Variants in DROSHA observed in about 807,000 individuals in gnomAD.
The protein encoded by DROSHA is drosha ribonuclease III.
In DROSHA, 56 loss-of-function variants were observed where a neutral mutation model predicts 181.9. The observed-to-expected ratio is 0.31, with a 90% CI of 0.25 to 0.38. The LOEUF (loss-of-function observed/expected upper bound fraction) is 0.38. Among genes scored for constraint, DROSHA ranks in the 10% least tolerant of loss-of-function variants. DROSHA has a pLI of 1.00. For missense variants in DROSHA, 1,218 were observed against 1,743.5 expected, an observed-to-expected ratio of 0.70 and a Z score of 5.37; for synonymous variants, 524 against 591.2, an observed-to-expected ratio of 0.89 and a Z score of 1.65.
At chr5:31,419,196 T>C (rs1168080114) in intron 30 of DROSHA, among the ~76,000 whole-genome samples, 1 of 152,176 alleles carries the variant, frequency 6.6e-6, no homozygotes, top group Non-Finnish European at 1.5e-5. Context: ...GGAGCAGCCA[T>C]GTTAATGCTA....
At chr5:31,517,980 A>G (rs985010917) in intron 6 of DROSHA, among the ~76,000 whole-genome samples, 1 of 152,256 alleles carries the variant, frequency 6.6e-6, no homozygotes, top group Admixed American at 6.5e-5. Context: ...TTACAGTCAT[A>G]TGTCACTAAC....
At chr5:31,481,746 A>G (rs959160216) in intron 16 of DROSHA, among the ~76,000 whole-genome samples, 3 of 152,216 alleles carry the variant, frequency 2.0e-5, no homozygotes, top group Non-Finnish European at 4.4e-5. Flanking sequence ...TCAGGAAAAA[A>G]TCTTGAGAAA....
chr5:31,529,409 C>T (rs918748605), intron 3 of DROSHA, among the ~76,000 whole-genome samples: 24 of 152,238 alleles, frequency 1.6e-4, no homozygotes, highest in African/African-American at 5.5e-4. Context: ...TCCCCTCTCC[C>T]CCTTCATACT....
intron 30 of DROSHA, among the ~76,000 whole-genome samples, chr5:31,418,208 A>G (rs113111942): frequency 4.1e-4 from 61 of 150,126 alleles, no homozygotes; most frequent in African/African-American, 1.4e-3. Flanking sequence ...CTGTAACTCT[A>G]TGTGTGTGTG....
chr5:31,423,743 T>A (rs1430875185), intron 28 of DROSHA, among the ~76,000 whole-genome samples: 1 of 151,522 alleles, frequency 6.6e-6, no homozygotes, highest in African/African-American at 2.4e-5. Flanking sequence ...ATTTATTTTA[T>A]ATACATATAT....
intron 17 of DROSHA, among the ~76,000 whole-genome samples, chr5:31,468,427 A>T (rs538761874): frequency 9.2e-5 from 14 of 152,298 alleles, no homozygotes; most frequent in Admixed American, 2.0e-4. Flanking sequence ...TTCTGCTTTA[A>T]TTTCACATTT....
intron 24 of DROSHA, among the ~76,000 whole-genome samples, chr5:31,436,556 C>T (rs113471294): frequency 3.8e-4 from 58 of 152,214 alleles, no homozygotes; most frequent in African/African-American, 1.4e-3. Flanking sequence ...TCACACCTGG[C>T]TAATTTTTGA....
intron 12 of DROSHA, 28 bp from the exon 13 acceptor site, chr5:31,493,321 A>C (rs761153619): frequency 6.4e-7 from 1 of 1,558,098 alleles, no homozygotes; most frequent in Non-Finnish European, 8.7e-7. Context: ...CACGAACCCC[A>C]AATTAAATAA....
In DROSHA at chr5:31,525,971, A is replaced by T; in HGVS notation, c.854+108T>A. On this transcript the variant is annotated intron_variant, in intron 5 of 35. Coordinates refer to ENST00000344624, the MANE Select transcript of DROSHA (RefSeq NM_001382508.1). ...TCCAAAATGTGCTTCCTTTCCTTACATAAATCAAGATGCCCTACTGGATCC... is the reference window on the plus strand; with the variant it reads ...TCCAAAATGTGCTTCCTTTCCTTACTTAAATCAAGATGCCCTACTGGATCC... The T allele has an allele frequency of 2.7e-6, 3 of 1,108,018 alleles. No homozygotes were observed. In the South Asian group the frequency reaches 6.2e-5, roughly 23 times the overall value. 68.6% of individuals were successfully genotyped at this position (1,108,018 alleles called of 1,614,324 possible). A position where few individuals can be genotyped will look rare whatever the true frequency, so the allele number is the denominator to read the frequency against.
At chr5:31,524,685 A>C (rs2150062930) in intron 5 of DROSHA, among the ~76,000 whole-genome samples, 1 of 152,338 alleles carries the variant, frequency 6.6e-6, no homozygotes, top group Middle Eastern at 3.4e-3. Flanking sequence ...CCTTCTAGAA[A>C]AACACACACA....
At chr5:31,439,170 GT>G (rs1315471279) in intron 23 of DROSHA, among the ~76,000 whole-genome samples, 1 of 152,166 alleles carries the variant, frequency 6.6e-6, no homozygotes, top group Non-Finnish European at 1.5e-5. Flanking sequence ...ACCTTCCACT[GT>G]TTCAGTTACC....
At chr5:31,510,107 T>C (rs1257189854) in intron 9 of DROSHA, among the ~76,000 whole-genome samples, 1 of 148,564 alleles carries the variant, frequency 6.7e-6, no homozygotes, top group Non-Finnish European at 1.5e-5. Flanking sequence ...TGAGATTCCA[T>C]CTCCACAAAA....
chr5:31,484,906 C>T lies in DROSHA; in HGVS notation c.1971G>A (p.Leu657=). 6.5e-7 allele frequency: 1 copy of T among 1,546,106 alleles called. No individual in the cohort carries two copies. The highest frequency in any genetic ancestry group is 1.2e-5 in the South Asian group (1 of 82,366). Residue 657 remains leucine, a synonymous_variant, in exon 15 of 36, where the codon TTG becomes TTA. Coordinates refer to ENST00000344624, the MANE Select transcript of DROSHA (RefSeq NM_001382508.1). ...CTTTAAGATTCCAGTCATATAATTC[C>T]AAAATATCTCTGAATAGGAACAGTG... is the stretch of plus-strand genomic sequence containing the variant. ...LFSLFLFRDI[L]ELYDWNLKGP... is the part of the protein sequence containing the mutation.
rs78006755 is a variant in DROSHA, at chr5:31,492,747, A to G, written c.1842+460T>C. On this transcript the variant is annotated intron_variant, in intron 13 of 35. Transcript: ENST00000344624. Reference sequence around the variant, plus strand: ...TAAAAATATCATGAATCCATATGTCAAAGTGTCTTGAAGACATATTCCTGG... The same window carrying G: ...TAAAAATATCATGAATCCATATGTCGAAGTGTCTTGAAGACATATTCCTGG... Among the ~76,000 whole-genome samples the G allele has an allele frequency of 7.2e-3, 1,101 of 152,382 alleles. 8 individuals carry two copies. The highest frequency in any genetic ancestry group is 0.024 in the African/African-American group (1,017 of 41,594).
chr5:31,526,301 G>T lies in DROSHA; in HGVS notation c.632C>A (p.Pro211Gln). 6.2e-7 allele frequency: 1 copy of T among 1,613,876 alleles called. No homozygotes were observed. The highest frequency in any genetic ancestry group is 1.1e-5 in the South Asian group (1 of 91,068). Residue 211 changes from proline to glutamine, a missense_variant, in exon 5 of 36, where the codon CCA becomes CAA. Physicochemically the swap from Pro to Gln is moderately conservative, Grantham distance 76. Around this residue, in one of 8 missense-constraint regions of DROSHA, gnomAD observed 536 missense variants for 535.4 expected, o/e 1.00. Coordinates refer to ENST00000344624, the MANE Select transcript of DROSHA (RefSeq NM_001382508.1). ...SPHFRHLPPY[P>Q]LPKAPSERRS... ...TCTCTCACTGGGAGCCTTTGGGAGT[G>T]GGTATGGAGGGAGATGTCTGAAATG...
At chr5:31,423,549 G>A (rs559800219) in intron 28 of DROSHA, among the ~76,000 whole-genome samples, 1 of 152,314 alleles carries the variant, frequency 6.6e-6, no homozygotes, top group African/African-American at 2.4e-5. Flanking sequence ...TATACCACTA[G>A]ACAGGTGGTG....
chr5:31,431,521 T>C, intron 26 of DROSHA, 55 bp downstream of exon 26: 5 of 1,579,732 alleles, frequency 3.2e-6, no homozygotes, highest in Non-Finnish European at 4.3e-6. Context: ...TTATGTGCTC[T>C]CCAGACTGTT....
chr5:31,451,444 G>GA lies in DROSHA; in HGVS notation c.2682+88dup, dbSNP rs1297484802. On this transcript the variant is annotated intron_variant, in intron 21 of 35. Transcript: ENST00000344624. ...TCTAACAATCCTTGTCACATCCCAG[G>GA]ATAGAGAACCCAATGTACCATTTGT... 8.2e-6 allele frequency: 9 copies of GA among 1,102,860 alleles called. No homozygotes were observed. In the African/African-American group the frequency reaches 1.4e-4, roughly 17 times the overall value. 68.3% of individuals were successfully genotyped at this position (1,102,860 alleles called of 1,614,324 possible).
chr5:31,515,323 C>T (rs1739154554), intron 7 of DROSHA, 104 bp from the exon 8 acceptor site: 1 of 1,288,688 alleles, frequency 7.8e-7, no homozygotes. Flanking sequence ...AATATGAATA[C>T]CATGCCAAAT....
Sources: allele counts gnomAD v4.1 joint callset (sites outside exome capture counted in the v4.1 genomes callset), GRCh38; gene constraint gnomAD v4.1.1; regional missense constraint gnomAD v4.1.1; transcripts MANE v1.5; gene names NCBI Gene and HGNC (gene_info 2026-07-23, HGNC 2026-07-21).